The following ADD2 variants were observed in gnomAD, a reference collection of about 807,000 sequenced individuals.
ADD2 encodes beta-adducin.
A neutral mutation model predicts 83.0 loss-of-function variants in ADD2; 23 were observed. The ratio of observed to expected loss-of-function variants is 0.28; its 90% confidence interval spans 0.20 to 0.39. The LOEUF (loss-of-function observed/expected upper bound fraction) is 0.39, where lower values mean the gene tolerates loss of function less well. Ranked by LOEUF, ADD2 falls within the 10% of genes least tolerant of loss-of-function variation. ADD2 has a pLI of 1.00. For missense variants in ADD2, 758 were observed against 944.9 expected, an observed-to-expected ratio of 0.80 and a Z score of 2.59; for synonymous variants, 375 against 375.4, an observed-to-expected ratio of 1.00 and a Z score of 0.01.
At chr2:70,715,660 T>C (rs1672424865) in intron 1 of ADD2, among the ~76,000 whole-genome samples, 1 of 152,062 alleles carries the variant, frequency 6.6e-6, no homozygotes, top group African/African-American at 2.4e-5. Context: ...ATTAAAACAC[T>C]CAGGGGCCTT....
intron 1 of ADD2, among the ~76,000 whole-genome samples, chr2:70,740,901 T>C (rs1045371146): frequency 6.6e-6 from 1 of 152,174 alleles, no homozygotes; most frequent in Non-Finnish European, 1.5e-5. Flanking sequence ...GGTTTCACCA[T>C]GTTGGCCAGG....
intron 1 of ADD2, among the ~76,000 whole-genome samples, chr2:70,760,024 T>C (rs1174255636): frequency 3.2e-4 from 48 of 152,210 alleles, no homozygotes; most frequent in Admixed American, 3.0e-3. Context: ...TTGATACTCA[T>C]GGGCTGGGTG....
Position 70,676,562 on chromosome 2 carries a change from G to A in ADD2, c.1593+234C>T. ...CCGGCCGCATCACTCCTGCAGGCAG[G>A]CTGGGCTGCTGTTCTCCAGCCCAGT... On this transcript the variant is annotated intron_variant, in intron 13 of 15. Coordinates refer to ENST00000264436, the MANE Select transcript of ADD2 (RefSeq NM_001617.4). This position sits in a 1 kb window ranked among gnomAD's most constrained non-coding sequence, Gnocchi z 4.8. 1 of 1,412,310 alleles carries A rather than the reference G, an allele frequency of 7.1e-7. No homozygotes were observed. Among genetic ancestry groups the A allele is most frequent in the Non-Finnish European group, 9.3e-7 (1 of 1,077,964 alleles). The allele number at this position is 1,412,310 out of a possible 1,614,324, so 87.5% of individuals were successfully genotyped here. A position where few individuals can be genotyped will look rare whatever the true frequency, so the allele number is the denominator to read the frequency against.
intron 6 of ADD2, 41 bp downstream of exon 6, chr2:70,695,680 A>G (rs782242819): frequency 1.3e-6 from 2 of 1,580,764 alleles, no homozygotes; most frequent in African/African-American, 2.7e-5. Flanking sequence ...GAGTGCTGTC[A>G]TTTCAATAAG....
At chr2:70,707,505 C>T (rs1156374614) in intron 2 of ADD2, among the ~76,000 whole-genome samples, 4 of 152,174 alleles carry the variant, frequency 2.6e-5, no homozygotes, top group Admixed American at 2.0e-4. Context: ...TATCTTGGAG[C>T]CCTTCTGAAG....
intron 1 of ADD2, among the ~76,000 whole-genome samples, chr2:70,754,543 T>A (rs1674674184): frequency 6.6e-6 from 1 of 151,538 alleles, no homozygotes. Context: ...GTTACTCTCC[T>A]CTACTGCCCA....
In ADD2 at chr2:70,677,887, C is replaced by T. The variant is rs1553368705; in HGVS notation, c.1384-10G>A. The stretch of plus-strand genomic sequence containing the variant: ...CGTCAGCCTTCATCCACTGCACAAA[C>T]ACAAGGTCATGGGGCTGAGGTGAGG... On this transcript the variant is annotated splice_polypyrimidine_tract_variant and intron_variant, in intron 11 of 15. Coordinates refer to ENST00000264436, the MANE Select transcript of ADD2 (RefSeq NM_001617.4). 1.9e-6 allele frequency: 3 copies of T among 1,614,164 alleles called. No individual in the cohort carries two copies. The Admixed American group carries it at 5.0e-5, about 27-fold the overall frequency.
intron 1 of ADD2, among the ~76,000 whole-genome samples, chr2:70,729,662 A>T (rs1028952521): frequency 1.3e-5 from 2 of 152,242 alleles, no homozygotes; most frequent in African/African-American, 4.8e-5. Context: ...TTAATCCAAA[A>T]GAATCCAGAG....
chr2:70,746,305 G>C (rs528709261), intron 1 of ADD2, among the ~76,000 whole-genome samples: 1 of 152,102 alleles, frequency 6.6e-6, no homozygotes, highest in Non-Finnish European at 1.5e-5. Flanking sequence ...TAAATCTCTC[G>C]AATAGTTCTC....
Position 70,696,411 on chromosome 2 carries a change from C to T in ADD2, c.323-15G>A. The T allele has an allele frequency of 6.2e-7, 1 of 1,613,944 alleles. No individual in the cohort carries two copies. The highest frequency in any genetic ancestry group is 1.3e-5 in the African/African-American group (1 of 75,040). ...CATGGAGACATCTGCAGGGACAGTGCAGTTCTCTCAGGGCCAGGGCCCATC... is the reference window on the plus strand; with the variant it reads ...CATGGAGACATCTGCAGGGACAGTGTAGTTCTCTCAGGGCCAGGGCCCATC... On this transcript the variant is annotated splice_polypyrimidine_tract_variant and intron_variant, in intron 4 of 15. Coordinates refer to ENST00000264436, the MANE Select transcript of ADD2 (RefSeq NM_001617.4).
rs1675379171 is a variant in ADD2, at chr2:70,656,976, A to C, written c.*6449T>G. ...GGGCAGCTTTGGTGCTCAGAGATTC[A>C]AACAGAAAACTATACAAAACCAACC... On this transcript the variant is annotated 3_prime_UTR_variant, in exon 16 of 16. Coordinates refer to ENST00000264436, the MANE Select transcript of ADD2 (RefSeq NM_001617.4). 6.6e-6 allele frequency: 1 copy of C among 151,632 alleles called. No homozygotes were observed. The highest frequency in any genetic ancestry group is 6.6e-5 in the Admixed American group (1 of 15,186). 9.4% of individuals were successfully genotyped at this position (151,632 alleles called of 1,614,324 possible). A position where few individuals can be genotyped will look rare whatever the true frequency, so the allele number is the denominator to read the frequency against.
chr2:70,667,021 A>G (rs563943088), intron 15 of ADD2, among the ~76,000 whole-genome samples: 2 of 152,314 alleles, frequency 1.3e-5, no homozygotes, highest in African/African-American at 2.4e-5. Context: ...AGGCCCCTGG[A>G]AAGTACTGAG....
At chr2:70,695,697 G>A in intron 6 of ADD2, 24 bp downstream of exon 6, 3 of 1,602,166 alleles carry the variant, frequency 1.9e-6, no homozygotes, top group Non-Finnish European at 2.6e-6. Context: ...TAAGGAGTGG[G>A]CAGTGATGCT....
intron 1 of ADD2, among the ~76,000 whole-genome samples, chr2:70,748,005 T>C (rs1173448835): frequency 1.3e-5 from 2 of 152,154 alleles, no homozygotes; most frequent in Non-Finnish European, 2.9e-5. Flanking sequence ...GGCATAAATT[T>C]TTAATGGTTT....
intron 10 of ADD2, among the ~76,000 whole-genome samples, chr2:70,680,640 T>C (rs376567356): frequency 2.4e-4 from 36 of 152,344 alleles, no homozygotes; most frequent in African/African-American, 8.2e-4. Context: ...GAATAAATTA[T>C]AGCTCTTCAC....
chr2:70,740,384 G>A (rs1161944945), intron 1 of ADD2, among the ~76,000 whole-genome samples: 2 of 152,110 alleles, frequency 1.3e-5, no homozygotes, highest in Non-Finnish European at 2.9e-5. Flanking sequence ...AACCTGAATC[G>A]GTTGACTAAT....
chr2:70,716,734 G>A (rs1051278376), intron 1 of ADD2, among the ~76,000 whole-genome samples: 12 of 152,260 alleles, frequency 7.9e-5, no homozygotes, highest in South Asian at 6.2e-4. Context: ...GGGAGCTCAC[G>A]GTACAGTGTG....
In ADD2 at chr2:70,659,145, T is replaced by TAAAAAAAAA. The variant is rs56006250; in HGVS notation, c.*4271_*4279dup. 15 of 74,666 alleles carry TAAAAAAAAA rather than the reference T, an allele frequency of 2.0e-4. No homozygotes were observed. The highest frequency in any genetic ancestry group is 3.3e-4 in the Non-Finnish European group (13 of 39,928). The allele number at this position is 74,666 out of a possible 1,614,324, so 4.6% of individuals were successfully genotyped here. A position where few individuals can be genotyped will look rare whatever the true frequency, so the allele number is the denominator to read the frequency against. On this transcript the variant is annotated 3_prime_UTR_variant, in exon 16 of 16. Transcript: ENST00000264436. ...GGGCAACAAAGAGCAAAGCTCCGTC[T>TAAAAAAAAA]AAAAAAAAAAAAAAAAAAAAAAAAA...
intron 1 of ADD2, among the ~76,000 whole-genome samples, chr2:70,743,388 G>C (rs1162274753): frequency 2.0e-5 from 3 of 152,126 alleles, no homozygotes; most frequent in African/African-American, 4.8e-5. Flanking sequence ...TGAGCATAAG[G>C]CACCTCTGGT....
Sources: gnomAD v4.1 joint callset for allele counts (sites outside exome capture counted in the v4.1 genomes callset) on GRCh38, gnomAD v4.1.1 for gene constraint, Gnocchi (gnomAD v3.1) non-coding constraint, MANE v1.5 for transcripts, NCBI Gene and HGNC (gene_info 2026-07-23, HGNC 2026-07-21) for gene names.